CRB1: variants seen among roughly 807,000 people sequenced by gnomAD.
CRB1 encodes crumbs cell polarity complex component 1.
Under a neutral mutation model 120.0 loss-of-function variants are expected in CRB1, and 83 were observed. That is an observed-to-expected ratio of 0.69 (90% CI 0.58 to 0.83). CRB1 has a LOEUF of 0.83. Among genes scored for constraint, CRB1 ranks in the 40% least tolerant of loss-of-function variants. The pLI, the probability that CRB1 is intolerant of heterozygous loss-of-function variation, is 0.00. For missense variants in CRB1, 1,699 were observed against 1,687.6 expected, an observed-to-expected ratio of 1.01 and a Z score of -0.12; for synonymous variants, 625 against 612.5, an observed-to-expected ratio of 1.02 and a Z score of -0.30.
At chr1:197,285,892 T>C (rs1182945775) in intron 1 of CRB1, among the ~76,000 whole-genome samples, 1 of 151,922 alleles carries the variant, frequency 6.6e-6, no homozygotes, top group African/African-American at 2.4e-5. Flanking sequence ...AATTACTAGT[T>C]AATTTATTTA....
At chr1:197,458,732 G>A (rs1339706585) in intron 11 of CRB1, among the ~76,000 whole-genome samples, 1 of 152,066 alleles carries the variant, frequency 6.6e-6, no homozygotes, top group East Asian at 1.9e-4. Flanking sequence ...TAGTACACAG[G>A]GAGAGAAGAA....
intron 3 of CRB1, 94 bp from the exon 4 acceptor site, chr1:197,347,246 G>A (rs1488490757): frequency 2.7e-6 from 3 of 1,103,038 alleles, no homozygotes; most frequent in Admixed American, 1.7e-5. Flanking sequence ...TGATGCCATG[G>A]GTCTTGGGTT....
At chr1:197,448,306 T>G (rs1665798966) in intron 11 of CRB1, among the ~76,000 whole-genome samples, 1 of 152,176 alleles carries the variant, frequency 6.6e-6, no homozygotes, top group Non-Finnish European at 1.5e-5. Context: ...GGTCTTTGTG[T>G]GCTGAGTTGC....
At chr1:197,302,343 A>G (rs1399250694) in intron 1 of CRB1, among the ~76,000 whole-genome samples, 1 of 152,230 alleles carries the variant, frequency 6.6e-6, no homozygotes, top group Non-Finnish European at 1.5e-5. Context: ...TGGTACACTT[A>G]ATAGACTACA....
the CRB1 span, among the ~76,000 whole-genome samples, chr1:197,258,409 T>C: frequency 1.3e-5 from 2 of 152,178 alleles, no homozygotes; most frequent in Non-Finnish European, 2.9e-5. Context: ...GCACTTACTG[T>C]CTCTACTTGC....
Position 197,421,097 on chromosome 1 carries a change from C to T in CRB1, c.1269C>T (p.Cys423=), listed in dbSNP as rs763204106. Residue 423 remains cysteine (C), a synonymous_variant, in exon 6 of 12, where the codon TGC becomes TGT. Transcript: ENST00000367400. Reference sequence around the variant, plus strand: ...TGCCTGGGAATTATACTTGCCATTGCCCATTTGATAACCTTTCTAGAACTT... The same window carrying T: ...TGCCTGGGAATTATACTTGCCATTGTCCATTTGATAACCTTTCTAGAACTT... The part of the protein sequence containing the change: ...ENLPGNYTCH[C]PFDNLSRTFY... 6.2e-7 allele frequency: 1 copy of T among 1,614,188 alleles called. No individual in the cohort carries two copies. The highest frequency in any genetic ancestry group is 8.5e-7 in the Non-Finnish European group (1 of 1,180,036).
chr1:197,394,379 CT>C (rs1405613234), intron 5 of CRB1, among the ~76,000 whole-genome samples: 3 of 152,070 alleles, frequency 2.0e-5, no homozygotes, highest in Non-Finnish European at 4.4e-5. Flanking sequence ...ATCAATAAGG[CT>C]TCCAGTCAAC....
At chr1:197,405,658 T>C (rs1459497106) in intron 5 of CRB1, among the ~76,000 whole-genome samples, 2 of 148,806 alleles carry the variant, frequency 1.3e-5, no homozygotes, top group Non-Finnish European at 3.0e-5. Flanking sequence ...CCGCCCATCG[T>C]CTGAGATGTG....
At chr1:197,230,642 G>T in the CRB1 span, among the ~76,000 whole-genome samples, 1 of 152,050 alleles carries the variant, frequency 6.6e-6, no homozygotes, top group Admixed American at 6.6e-5. Flanking sequence ...CCACTTCCAT[G>T]TCTACCAGTG....
chr1:197,415,123 A>G (rs983890156), intron 5 of CRB1, among the ~76,000 whole-genome samples: 1 of 152,070 alleles, frequency 6.6e-6, no homozygotes, highest in African/African-American at 2.4e-5. Flanking sequence ...CAATCATAAG[A>G]AAAAAAACAG....
chr1:197,291,088 G>A (rs997544152), intron 1 of CRB1, among the ~76,000 whole-genome samples: 1 of 151,694 alleles, frequency 6.6e-6, no homozygotes, highest in African/African-American at 2.4e-5. Flanking sequence ...CATTTGAATA[G>A]GTAATAAGTA....
At chr1:197,438,509 A>T in intron 9 of CRB1, 38 bp from the exon 10 acceptor site, 1 of 1,609,612 alleles carries the variant, frequency 6.2e-7, no homozygotes, top group Non-Finnish European at 8.5e-7. Flanking sequence ...TGAGATGAAC[A>T]AGATGAACAG....
At chr1:197,383,361 A>G (rs776520044) in intron 5 of CRB1, among the ~76,000 whole-genome samples, 6 of 152,172 alleles carry the variant, frequency 3.9e-5, no homozygotes, top group Non-Finnish European at 8.8e-5. Context: ...GCAGAATGCA[A>G]CTGGACCCGC....
chr1:197,222,074 T>A, the CRB1 span: 515 of 200,764 alleles, frequency 2.6e-3, 1 homozygote, highest in Admixed American at 8.6e-3. Context: ...TTACTTTTTT[T>A]AAAAAATATA....
At chr1:197,462,156 T>C (rs915434721) in intron 11 of CRB1, among the ~76,000 whole-genome samples, 44 of 152,310 alleles carry the variant, frequency 2.9e-4, no homozygotes, top group African/African-American at 1.0e-3. Flanking sequence ...TAGTGTAGAA[T>C]AAGCTTTTTG....
chr1:197,444,906 T>TACACACACACACACACAC (rs59391242), intron 11 of CRB1: 1 of 147,608 alleles, frequency 6.8e-6, no homozygotes, highest in East Asian at 2.0e-4. Context: ...CAGCCATGCA[T>TACACACACACACACACAC]ACACACACAC....
At chr1:197,420,979 C>T (rs749263184) in intron 5 of CRB1, 21 bp from the exon 6 acceptor site, 1 of 1,373,872 alleles carries the variant, frequency 7.3e-7, no homozygotes, top group Non-Finnish European at 1.0e-6. Context: ...ATAATTTTAG[C>T]CCTTTTTTAT....
At chr1:197,363,503 A>G (rs1009744806) in intron 5 of CRB1, among the ~76,000 whole-genome samples, 2 of 152,134 alleles carry the variant, frequency 1.3e-5, no homozygotes, top group African/African-American at 4.8e-5. Flanking sequence ...TTTCTCATGG[A>G]ACTTGAAAAA....
At chr1:197,363,529 T>C (rs886328301) in intron 5 of CRB1, among the ~76,000 whole-genome samples, 1 of 152,172 alleles carries the variant, frequency 6.6e-6, no homozygotes, top group Non-Finnish European at 1.5e-5. Context: ...CACAACTTTT[T>C]TTTCTGCACC....
Sources: allele counts gnomAD v4.1 joint callset (sites outside exome capture counted in the v4.1 genomes callset), GRCh38; gene constraint gnomAD v4.1.1; transcripts MANE v1.5; gene names NCBI Gene and HGNC (gene_info 2026-07-23, HGNC 2026-07-21).